IL6R: variants seen among roughly 807,000 people sequenced by gnomAD.
IL6R encodes interleukin-6 receptor subunit alpha.
In IL6R, 38 loss-of-function variants were observed where a neutral mutation model predicts 48.3. The observed-to-expected ratio is 0.79, with a 90% CI of 0.61 to 1.03. The LOEUF is 1.03. IL6R is among the 50% of genes least tolerant of loss of function. The probability of loss-of-function intolerance (pLI) is 0.00; values close to 1 mark genes in which losing one functional copy is unlikely to be tolerated. For synonymous variants in IL6R, 264 were observed against 256.2 expected (o/e 1.03, Z -0.29); for missense variants, 534 against 618.3 (o/e 0.86, Z 1.45).
At chr1:154,448,817 T>G (rs1433585651) in intron 7 of IL6R, among the ~76,000 whole-genome samples, 3 of 151,740 alleles carry the variant, frequency 2.0e-5, no homozygotes, top group Non-Finnish European at 4.4e-5. Context: ...CTGTGAGCCT[T>G]GCATTTGCTG....
intron 6 of IL6R, among the ~76,000 whole-genome samples, chr1:154,447,489 A>T (rs1690312524): frequency 7.9e-6 from 1 of 125,864 alleles, no homozygotes; most frequent in African/African-American, 3.5e-5. Context: ...ACACACACAC[A>T]CACACACACA....
rs547829081 is a variant in IL6R, at chr1:154,409,679, C to T, written c.85+3965C>T. On this transcript the variant is annotated intron_variant, in intron 1 of 9. Coordinates refer to ENST00000368485, the MANE Select transcript of IL6R (RefSeq NM_000565.4). ...ATATTTTTGGAGTGAACACCTCCTA[C>T]TCTGTTCCAGGCACTATTCTAAGAG... Among the ~76,000 whole-genome samples the T allele has an allele frequency of 3.3e-5, 5 of 152,270 alleles. No homozygotes were observed. In the South Asian group the frequency reaches 1.0e-3, roughly 32 times the overall value.
intron 1 of IL6R, among the ~76,000 whole-genome samples, chr1:154,409,623 G>A (rs1558295782): frequency 6.6e-6 from 1 of 152,158 alleles, no homozygotes; most frequent in Non-Finnish European, 1.5e-5. Flanking sequence ...GCTTAAATAA[G>A]TGTAGGTGAT....
chr1:154,424,564 C>G (rs952707059), intron 1 of IL6R, among the ~76,000 whole-genome samples: 3 of 152,206 alleles, frequency 2.0e-5, no homozygotes, highest in African/African-American at 7.2e-5. Flanking sequence ...GTCATTTGTG[C>G]AGGAACTTGA....
At chr1:154,414,944 A>G (rs993471836) in intron 1 of IL6R, 1 of 1,224,692 alleles carries the variant, frequency 8.2e-7, no homozygotes, top group Non-Finnish European at 1.2e-6. Flanking sequence ...ATGTCCTCGC[A>G]TAGGATGCTC....
intron 9 of IL6R, among the ~76,000 whole-genome samples, chr1:154,462,531 G>A (rs985184578): frequency 1.3e-5 from 2 of 151,520 alleles, no homozygotes; most frequent in African/African-American, 4.9e-5. Flanking sequence ...CTGCTACCAT[G>A]CCTGGCTAAT....
chr1:154,418,663 G>T (rs761834162), intron 1 of IL6R, among the ~76,000 whole-genome samples: 14 of 152,184 alleles, frequency 9.2e-5, no homozygotes, highest in Non-Finnish European at 2.1e-4. Flanking sequence ...GTGGCCGAGG[G>T]TGCCCTCTGA....
chr1:154,430,695 A>T, intron 3 of IL6R, 89 bp downstream of exon 3: 1 of 1,522,788 alleles, frequency 6.6e-7, no homozygotes, highest in Non-Finnish European at 9.0e-7. Flanking sequence ...ATTTCAAAAC[A>T]TTATCATTAG....
At chr1:154,413,748 A>G (rs1464586053) in intron 1 of IL6R, among the ~76,000 whole-genome samples, 2 of 146,816 alleles carry the variant, frequency 1.4e-5, no homozygotes, top group African/African-American at 2.5e-5. Flanking sequence ...AGCTCTTGAC[A>G]TATTAACATG....
At position 154,449,946 on chromosome 1, in the gene IL6R, C is replaced by T; in HGVS notation, c.1032C>T (p.Leu344=). The change falls in exon 8 of 10, where the codon CTC becomes CTT. Residue 344 remains leucine (L), a synonymous_variant. Coordinates refer to ENST00000368485, the MANE Select transcript of IL6R (RefSeq NM_000565.4). ...LTTNKDDDNI[L]FRDSANATSL... ...CTAATAAAGACGATGATAATATTCT[C>T]TTCAGAGATTCTGCAAATGCGACAA... 6.2e-7 allele frequency: 1 copy of T among 1,610,724 alleles called. No homozygotes were observed. The highest frequency in any genetic ancestry group is 8.5e-7 in the Non-Finnish European group (1 of 1,176,944).
chr1:154,469,244 C>T lies in IL6R; in HGVS notation c.*3864C>T, dbSNP rs1258272873. On this transcript the variant is annotated 3_prime_UTR_variant, in exon 10 of 10. Transcript: ENST00000368485. ...GAGATCACATCTGTTAAATAGAATA[C>T]CTCAACTCTACGTTGTTTTCTTGGA... 6.6e-6 allele frequency: 1 copy of T among 152,200 alleles called. No homozygotes were observed. Among genetic ancestry groups the T allele is most frequent in the Non-Finnish European group, 1.5e-5 (1 of 68,030 alleles). 9.4% of individuals were successfully genotyped at this position (152,200 alleles called of 1,614,324 possible). A position where few individuals can be genotyped will look rare whatever the true frequency, so the allele number is the denominator to read the frequency against.
chr1:154,423,511 A>G (rs751523171), intron 1 of IL6R, among the ~76,000 whole-genome samples: 1 of 148,714 alleles, frequency 6.7e-6, no homozygotes, highest in Non-Finnish European at 1.5e-5. Context: ...GTCAGGAGGC[A>G]GAGGGCTGAG....
chr1:154,420,687 C>T (rs1019785957), intron 1 of IL6R, among the ~76,000 whole-genome samples: 1 of 151,590 alleles, frequency 6.6e-6, no homozygotes, highest in African/African-American at 2.4e-5. Flanking sequence ...AGGCACACAC[C>T]ACCAAGCCTG....
rs58404689 is a variant in IL6R, at chr1:154,447,478, C to T, written c.950-647C>T. ...AAATATATATATATATATATATATA[C>T]ACACACACACACACACACACACACA... On this transcript the variant is annotated intron_variant, in intron 6 of 9. Transcript: ENST00000368485. 3.9e-3 allele frequency among the ~76,000 whole-genome samples: 267 copies of T among 69,266 alleles called. 5 individuals are homozygous for T. Among genetic ancestry groups the T allele is most frequent in the Admixed American group, 0.018 (106 of 5,882 alleles). 45.4% of individuals were successfully genotyped at this position (69,266 alleles called of 152,430 possible).
At position 154,450,000 on chromosome 1, in the gene IL6R, A is replaced by G; in HGVS notation, c.1066+20A>G. The G allele has an allele frequency of 6.6e-7, 1 of 1,509,670 alleles. No individual in the cohort carries two copies. The highest frequency in any genetic ancestry group is 1.4e-5 in the African/African-American group (1 of 72,846). The allele number at this position is 1,509,670 out of a possible 1,614,324, so 93.5% of individuals were successfully genotyped here. A position where few individuals can be genotyped will look rare whatever the true frequency, so the allele number is the denominator to read the frequency against. ...TCCCAGGTAAGGACTGGGTATTTTC[A>G]TATTCCCAGGGTCCGAGGGACAGAA... On this transcript the variant is annotated intron_variant, in intron 8 of 9. Coordinates refer to ENST00000368485, the MANE Select transcript of IL6R (RefSeq NM_000565.4).
chr1:154,423,472 C>T (rs1269209512), intron 1 of IL6R, among the ~76,000 whole-genome samples: 1 of 151,158 alleles, frequency 6.6e-6, no homozygotes, highest in Non-Finnish European at 1.5e-5. Flanking sequence ...TGCCACCCAG[C>T]TGTCAGGGGT....
intron 1 of IL6R, chr1:154,414,942 G>C: frequency 1.7e-6 from 2 of 1,195,102 alleles, no homozygotes; most frequent in Non-Finnish European, 2.4e-6. Flanking sequence ...GGATGTCCTC[G>C]CATAGGATGC....
At chr1:154,430,314 C>T (rs1046379434) in intron 2 of IL6R, among the ~76,000 whole-genome samples, 169 bp from the exon 3 acceptor site, 1 of 152,172 alleles carries the variant, frequency 6.6e-6, no homozygotes, top group Non-Finnish European at 1.5e-5. Context: ...TTCCCAGCTG[C>T]GATTCCATTC....
intron 5 of IL6R, 65 bp from the exon 6 acceptor site, chr1:154,435,904 T>C: frequency 7.0e-7 from 1 of 1,427,386 alleles, no homozygotes; most frequent in East Asian, 2.5e-5. Flanking sequence ...ACCAACCCAC[T>C]GGGGTGCTAC....
Sources: gnomAD v4.1 joint callset for allele counts (sites outside exome capture counted in the v4.1 genomes callset) on GRCh38, gnomAD v4.1.1 for gene constraint, MANE v1.5 for transcripts, NCBI Gene and HGNC (gene_info 2026-07-23, HGNC 2026-07-21) for gene names.